The following BAD variants were observed in gnomAD, a reference collection of about 807,000 sequenced individuals.
BAD encodes BCL2 associated agonist of cell death.
Under a neutral mutation model 17.8 loss-of-function variants are expected in BAD, and 18 were observed. The ratio of observed to expected loss-of-function variants is 1.01; its 90% CI spans 0.70 to 1.50. The LOEUF is 1.50. BAD is among the 40% of genes most tolerant of loss of function. BAD has a pLI of 0.00. For missense variants in BAD, 294 were observed against 239.3 expected, an observed-to-expected ratio of 1.23 and a Z score of -1.51; for synonymous variants, 112 against 91.5, an observed-to-expected ratio of 1.22 and a Z score of -1.28.
At chr11:64,279,795 TC>T (rs1279024452) in intron 2 of BAD, among the ~76,000 whole-genome samples, 13 of 144,818 alleles carry the variant, frequency 9.0e-5, no homozygotes, top group Admixed American at 8.2e-4. Context: ...TCCCCCTCTA[TC>T]CCACCCTCTA....
intron 2 of BAD, among the ~76,000 whole-genome samples, chr11:64,283,115 C>G (rs185861247): frequency 6.6e-6 from 1 of 152,116 alleles, no homozygotes; most frequent in African/African-American, 2.4e-5. Flanking sequence ...CTGAGAGAAT[C>G]GAGTGTGGGT....
Position 64,279,459 on chromosome 11 carries a change from C to A in BAD, c.187+4723G>T, listed in dbSNP as rs771409376. 7.9e-5 allele frequency among the ~76,000 whole-genome samples: 12 copies of A among 152,296 alleles called. No individual in the cohort carries two copies. The South Asian group carries it at 2.3e-3, about 29-fold the overall frequency. On this transcript the variant is annotated intron_variant, in intron 2 of 3. Coordinates refer to ENST00000309032, the MANE Select transcript of BAD (RefSeq NM_032989.3). ...CACTAGCACCCTGCTAAAAATCCCACCAGATGCTTAAAAGCCACCTCTAGC... is the reference window on the plus strand; with the variant it reads ...CACTAGCACCCTGCTAAAAATCCCAACAGATGCTTAAAAGCCACCTCTAGC...
At chr11:64,275,637 T>C (rs2033003775) in intron 2 of BAD, 1 of 152,182 alleles carries the variant, frequency 6.6e-6, no homozygotes, top group South Asian at 2.1e-4. Flanking sequence ...TGAGGCCGTG[T>C]GGCTGGGACA....
chr11:64,284,189 A>T lies in BAD; in HGVS notation c.180T>A (p.His60Gln). 6.3e-7 allele frequency: 1 copy of T among 1,595,636 alleles called. No individual in the cohort carries two copies. Among genetic ancestry groups the T allele is most frequent in the Non-Finnish European group, 8.5e-7 (1 of 1,170,728 alleles). Residue 60 changes from histidine (H) to glutamine (Q), a missense_variant, in exon 2 of 4, where the codon CAT (histidine) becomes CAA (glutamine). Physicochemically the swap from His to Gln is conservative, Grantham distance 24. Transcript: ENST00000309032. Reference protein sequence around the residue: ...HQQEQPTSSSHHGGAGAVEIR... With the variant: ...HQQEQPTSSSQHGGAGAVEIR... ...AGGTGGTGGGGTACTTACCTCCATG[A>T]TGGCTGCTGCTGGTTGGCTGCTCCT...
At chr11:64,273,705 C>G (rs980743852) in intron 2 of BAD, among the ~76,000 whole-genome samples, 1 of 151,706 alleles carries the variant, frequency 6.6e-6, no homozygotes, top group African/African-American at 2.4e-5. Flanking sequence ...GATGGTAAAA[C>G]CCCGTCTCTA....
At chr11:64,272,041 A>G (rs1157548038) in intron 2 of BAD, among the ~76,000 whole-genome samples, 1 of 152,242 alleles carries the variant, frequency 6.6e-6, no homozygotes, top group African/African-American at 2.4e-5. Flanking sequence ...CCGAGTGCCA[A>G]TAATGGGTGA....
chr11:64,280,930 T>C lies in BAD; in HGVS notation c.187+3252A>G, dbSNP rs530972863. Among the ~76,000 whole-genome samples the C allele has an allele frequency of 1.5e-4, 22 of 150,026 alleles. No homozygotes were observed. In the East Asian group the frequency reaches 2.0e-3, roughly 14 times the overall value. On this transcript the variant is annotated intron_variant, in intron 2 of 3. Coordinates refer to ENST00000309032, the MANE Select transcript of BAD (RefSeq NM_032989.3). ...TGATCTGCCTGCCTCAGCCTCCCGA[T>C]GTGCTGGGATTACAGGTGTGAGCCA...
chr11:64,272,637 T>C (rs563886674), intron 2 of BAD: 3 of 152,320 alleles, frequency 2.0e-5, no homozygotes, highest in Admixed American at 6.5e-5. Flanking sequence ...GACATTCCCT[T>C]ATTATCCTCC....
At chr11:64,279,762 CAAAA>C (rs35718358) in intron 2 of BAD, among the ~76,000 whole-genome samples, 9 of 103,712 alleles carry the variant, frequency 8.7e-5, no homozygotes, top group South Asian at 3.3e-4. Context: ...GACTCTATCT[CAAAA>C]AAAAAAAAAA....
At chr11:64,278,561 A>C (rs1591161847) in intron 2 of BAD, among the ~76,000 whole-genome samples, 1 of 152,174 alleles carries the variant, frequency 6.6e-6, no homozygotes, top group Middle Eastern at 3.4e-3. Context: ...ATTCCCGTTT[A>C]CAGATGAGGA....
In BAD at chr11:64,271,777, G is replaced by GC; in HGVS notation, c.213_214insG (p.Arg72AlafsTer48). ...GTCCCCGCGGGGTAGGAGCTGTGGC[G>GC]ACTCCGGATCTCCACAGCCCCAGCG... On this transcript the variant is annotated frameshift_variant, in exon 3 of 4. Coordinates refer to ENST00000309032, the MANE Select transcript of BAD (RefSeq NM_032989.3). LOFTEE classifies it high-confidence loss of function. 1 of 1,377,808 alleles carries GC rather than the reference G, an allele frequency of 7.3e-7. No individual in the cohort carries two copies. The highest frequency in any genetic ancestry group is 9.4e-7 in the Non-Finnish European group (1 of 1,062,768). 85.3% of individuals were successfully genotyped at this position (1,377,808 alleles called of 1,614,324 possible).
chr11:64,284,690 C>A (rs1235959270), upstream of BAD: 6 of 1,535,724 alleles, frequency 3.9e-6, no homozygotes, highest in African/African-American at 8.2e-5. Flanking sequence ...GCACCCCGGG[C>A]TCCGGGCCCT....
chr11:64,284,689 G>C, upstream of BAD: 1 of 1,535,784 alleles, frequency 6.5e-7, no homozygotes, highest in Non-Finnish European at 8.7e-7. Flanking sequence ...AGCACCCCGG[G>C]CTCCGGGCCC....
At chr11:64,281,125 G>A (rs1374831517) in intron 2 of BAD, among the ~76,000 whole-genome samples, 1 of 152,046 alleles carries the variant, frequency 6.6e-6, no homozygotes, top group Non-Finnish European at 1.5e-5. Context: ...CCACCACCAC[G>A]CCCAGAGAAT....
At chr11:64,278,557 G>A (rs671976) in intron 2 of BAD, among the ~76,000 whole-genome samples, 77,192 of 151,868 alleles carry the variant, frequency 0.51, 20,008 homozygotes, top group East Asian at 0.69. Flanking sequence ...TTCTATTCCC[G>A]TTTACAGATG....
At chr11:64,283,847 C>T (rs2033650143) in intron 2 of BAD, among the ~76,000 whole-genome samples, 2 of 152,202 alleles carry the variant, frequency 1.3e-5, no homozygotes, top group Non-Finnish European at 2.9e-5. Flanking sequence ...GTCACTCAGG[C>T]TGGCCTTGAA....
intron 2 of BAD, among the ~76,000 whole-genome samples, chr11:64,275,018 G>C (rs1354486768): frequency 9.9e-6 from 1 of 101,298 alleles, no homozygotes. Flanking sequence ...AAAAAAAAGC[G>C]AGTAAGGGAA....
At chr11:64,270,685 T>A (rs1017262249) in intron 3 of BAD, 1 of 536,878 alleles carries the variant, frequency 1.9e-6, no homozygotes, top group African/African-American at 1.9e-5. Context: ...ATCCCAGCAC[T>A]TTGGGAGGTT....
In BAD at chr11:64,270,066, G is replaced by T; in HGVS notation, c.*143C>A. ...TTCCGTGGCTTCACACGCACCGGAAGGGAATCTGGGTCAGCCCTCCCTCCA... is the reference window on the plus strand; with the variant it reads ...TTCCGTGGCTTCACACGCACCGGAATGGAATCTGGGTCAGCCCTCCCTCCA... On this transcript the variant is annotated 3_prime_UTR_variant, in exon 4 of 4. Coordinates refer to ENST00000309032, the MANE Select transcript of BAD (RefSeq NM_032989.3). 1 of 1,414,308 alleles carries T rather than the reference G, an allele frequency of 7.1e-7. No homozygotes were observed. Among genetic ancestry groups the T allele is most frequent in the Non-Finnish European group, 9.7e-7 (1 of 1,031,308 alleles). The allele number at this position is 1,414,308 out of a possible 1,614,324, so 87.6% of individuals were successfully genotyped here. A position where few individuals can be genotyped will look rare whatever the true frequency, so the allele number is the denominator to read the frequency against.
Sources: allele counts gnomAD v4.1 joint callset (sites outside exome capture counted in the v4.1 genomes callset), GRCh38; gene constraint gnomAD v4.1.1; transcripts MANE v1.5; gene names NCBI Gene and HGNC (gene_info 2026-07-23, HGNC 2026-07-21).